The following ZDHHC20 variants were observed in gnomAD, a reference collection of about 807,000 sequenced individuals.
ZDHHC20 encodes palmitoyltransferase ZDHHC20.
In ZDHHC20, 43 loss-of-function variants were observed where a neutral mutation model predicts 57.8. That is an observed-to-expected ratio of 0.74 (90% CI 0.58 to 0.96). ZDHHC20 has a LOEUF of 0.96. ZDHHC20 is among the 40% of genes least tolerant of loss of function. The pLI, the probability that ZDHHC20 is intolerant of heterozygous loss-of-function variation, is 0.00. For synonymous variants in ZDHHC20, 157 were observed against 153.0 expected (o/e 1.03, Z -0.19); for missense variants, 391 against 441.1 (o/e 0.89, Z 1.02).
intron 1 of ZDHHC20, 73 bp downstream of exon 1, chr13:21,458,969 AGGCGGCGGGTGT>A (rs2138094233): frequency 9.8e-7 from 1 of 1,019,328 alleles, no homozygotes; most frequent in South Asian, 2.0e-5. Flanking sequence ...GGCTCCAGAA[AGGCGGCGGGTGT>A]GGGGCGCAGA....
intron 1 of ZDHHC20, among the ~76,000 whole-genome samples, chr13:21,432,886 T>C (rs933608109): frequency 2.6e-4 from 39 of 152,258 alleles, no homozygotes; most frequent in African/African-American, 9.4e-4. Context: ...TAACTATTTG[T>C]TCTTCATTAA....
At position 21,421,867 on chromosome 13, in the gene ZDHHC20, C is replaced by A. The variant is rs141266450; in HGVS notation, c.146-703G>T. Among the ~76,000 whole-genome samples, 831 of 152,252 alleles carry A rather than the reference C, an allele frequency of 5.5e-3. 13 individuals are homozygous for A. The highest frequency in any genetic ancestry group is 0.019 in the African/African-American group (796 of 41,550). The stretch of plus-strand genomic sequence containing the variant: ...TCAGTTTGTAATGCAGCACCATAAA[C>A]CCACTGAAGATAATAAATTCAGACA... On this transcript the variant is annotated intron_variant, in intron 2 of 12. Coordinates refer to ENST00000400590, the MANE Select transcript of ZDHHC20 (RefSeq NM_001330059.2).
chr13:21,454,224 G>T (rs571110734), intron 1 of ZDHHC20, among the ~76,000 whole-genome samples: 1 of 152,266 alleles, frequency 6.6e-6, no homozygotes, highest in Non-Finnish European at 1.5e-5. Flanking sequence ...TACTCAAGAG[G>T]CTGAGGCAGG....
intron 1 of ZDHHC20, among the ~76,000 whole-genome samples, chr13:21,441,074 C>T (rs1883098396): frequency 6.6e-6 from 1 of 152,114 alleles, no homozygotes; most frequent in Non-Finnish European, 1.5e-5. Flanking sequence ...TTCCTGATTG[C>T]TTATTCTTTC....
chr13:21,389,025 G>A (rs1231119308), intron 8 of ZDHHC20, among the ~76,000 whole-genome samples: 1 of 152,164 alleles, frequency 6.6e-6, no homozygotes, highest in East Asian at 1.9e-4. Flanking sequence ...ACAGCAAATA[G>A]AGAATAACAT....
intron 3 of ZDHHC20, among the ~76,000 whole-genome samples, chr13:21,415,318 TATAG>T (rs1246467465): frequency 2.6e-5 from 4 of 152,328 alleles, no homozygotes; most frequent in African/African-American, 4.8e-5. Flanking sequence ...TTTTGCTTTT[TATAG>T]ATAGTTACTC....
At chr13:21,437,815 C>T (rs576270661) in intron 1 of ZDHHC20, among the ~76,000 whole-genome samples, 113 of 152,220 alleles carry the variant, frequency 7.4e-4, no homozygotes, top group African/African-American at 2.6e-3. Flanking sequence ...CCTCAGCCTC[C>T]TAAGTAGGTA....
At chr13:21,378,592 A>T in intron 12 of ZDHHC20, 69 bp downstream of exon 12, 1 of 928,326 alleles carries the variant, frequency 1.1e-6, no homozygotes, top group Non-Finnish European at 1.4e-6. Flanking sequence ...ACAACTGCAA[A>T]TTGTTTAAAG....
chr13:21,399,332 A>G (rs1877285082), intron 7 of ZDHHC20, among the ~76,000 whole-genome samples: 1 of 152,080 alleles, frequency 6.6e-6, no homozygotes, highest in African/African-American at 2.4e-5. Flanking sequence ...GTGACCAAGC[A>G]AGATTCCGTC....
chr13:21,455,634 GT>G (rs1228445971), intron 1 of ZDHHC20, among the ~76,000 whole-genome samples: 2 of 4,254 alleles, frequency 4.7e-4, no homozygotes, highest in Non-Finnish European at 1.5e-3. Flanking sequence ...CAGTGAAGTG[GT>G]GTGTGTGTGT....
rs528865455 is a variant in ZDHHC20, at chr13:21,376,683, TA to T, written c.*41-29del. 162 of 1,353,004 alleles carry T rather than the reference TA, an allele frequency of 1.2e-4. No homozygotes were observed. The African/African-American group carries it at 2.2e-3, about 18-fold the overall frequency. The allele number at this position is 1,353,004 out of a possible 1,614,324, so 83.8% of individuals were successfully genotyped here. On this transcript the variant is annotated intron_variant, in intron 12 of 12. Coordinates refer to ENST00000400590, the MANE Select transcript of ZDHHC20 (RefSeq NM_001330059.2). ...ACAAAAAAAGAAACAAATTATTGGT[TA>T]AAACTTGATTTTTTATTTCTGAAAA...
chr13:21,427,436 T>C (rs895830858), intron 1 of ZDHHC20, among the ~76,000 whole-genome samples: 2 of 152,164 alleles, frequency 1.3e-5, no homozygotes, highest in African/African-American at 4.8e-5. Flanking sequence ...CTCCTCCAAG[T>C]AGAAAATCTG....
intron 4 of ZDHHC20, chr13:21,404,337 T>C (rs1157144596): frequency 2.0e-6 from 1 of 500,174 alleles, no homozygotes; most frequent in East Asian, 5.6e-5. Flanking sequence ...GTAGACTGCA[T>C]GAGGCCTAGT....
At chr13:21,422,958 GC>G (rs993173592) in intron 2 of ZDHHC20, among the ~76,000 whole-genome samples, 8 of 152,058 alleles carry the variant, frequency 5.3e-5, no homozygotes, top group Non-Finnish European at 1.2e-4. Context: ...TATAATCTAT[GC>G]CTTATTTCTA....
chr13:21,398,040 A>G (rs1036508455), intron 7 of ZDHHC20, among the ~76,000 whole-genome samples: 14 of 152,220 alleles, frequency 9.2e-5, no homozygotes, highest in East Asian at 1.9e-4. Flanking sequence ...CATCAATCCT[A>G]TAAGTTATTA....
Position 21,387,512 on chromosome 13 carries a change from A to G in ZDHHC20, c.850T>C (p.Ser284Pro). ...GACCCACATTTTATAAATTACCTTG[A>G]AAATATTGGAAGTAGCCAATATTTC... Reference protein sequence around the residue: ...EKKYWLLPIFSSLGDGCSFPT... With the variant: ...EKKYWLLPIFPSLGDGCSFPT... Residue 284 changes from serine to proline, a missense_variant, in exon 9 of 13, where the codon TCA (serine) becomes CCA (proline). Around this residue, in one of 3 missense-constraint regions of ZDHHC20, gnomAD observed 197 missense variants for 220.8 expected, o/e 0.89. Transcript: ENST00000400590. 6.5e-7 allele frequency: 1 copy of G among 1,526,800 alleles called. No homozygotes were observed. Among genetic ancestry groups the G allele is most frequent in the South Asian group, 1.3e-5 (1 of 78,134 alleles). 94.6% of individuals were successfully genotyped at this position (1,526,800 alleles called of 1,614,324 possible).
chr13:21,433,830 T>G (rs1882262692), intron 1 of ZDHHC20, among the ~76,000 whole-genome samples: 2 of 152,214 alleles, frequency 1.3e-5, no homozygotes, highest in Admixed American at 1.3e-4. Flanking sequence ...TCACACAGAA[T>G]CTTGCACATA....
At chr13:21,378,378 A>T (rs1872625793) in intron 12 of ZDHHC20, among the ~76,000 whole-genome samples, 1 of 152,236 alleles carries the variant, frequency 6.6e-6, no homozygotes, top group Non-Finnish European at 1.5e-5. Flanking sequence ...TTCTTTAATT[A>T]ATAAGGTACT....
At chr13:21,447,764 C>T (rs1376156403) in intron 1 of ZDHHC20, among the ~76,000 whole-genome samples, 2 of 89,680 alleles carry the variant, frequency 2.2e-5, no homozygotes, top group Non-Finnish European at 5.6e-5. Context: ...TGTGAGGAGC[C>T]CCTCTGCCTG....
Sources: allele counts gnomAD v4.1 joint callset (sites outside exome capture counted in the v4.1 genomes callset), GRCh38; gene constraint gnomAD v4.1.1; regional missense constraint gnomAD v4.1.1; transcripts MANE v1.5; gene names NCBI Gene and HGNC (gene_info 2026-07-23, HGNC 2026-07-21).